Variants in ENKUR observed in about 807,000 individuals in gnomAD.
The protein encoded by ENKUR is enkurin, TRPC channel interacting protein, also known as enkurin.
In ENKUR, 19 loss-of-function variants were observed where a neutral mutation model predicts 27.6. The observed-to-expected ratio is 0.69, with a 90% confidence interval of 0.48 to 1.01. The LOEUF (loss-of-function observed/expected upper bound fraction) is 1.01. Ranked by LOEUF, ENKUR falls within the 50% of genes least tolerant of loss-of-function variation. ENKUR has a pLI of 0.00. For missense variants in ENKUR, 312 were observed against 310.5 expected (o/e 1.00, Z -0.04); for synonymous variants, 117 against 96.9 (o/e 1.21, Z -1.22).
intron 1 of ENKUR, among the ~76,000 whole-genome samples, chr10:25,009,121 G>C (rs1850381287): frequency 6.6e-6 from 1 of 152,168 alleles, no homozygotes; most frequent in African/African-American, 2.4e-5. Context: ...TGGGAGGAGA[G>C]GGGAGGGATA....
rs998840256 is a variant in ENKUR, at chr10:24,983,481, GCCTAC to G, written c.*884_*888del. The G allele has an allele frequency of 2.2e-4, 34 of 152,272 alleles. No individual in the cohort carries two copies. Among genetic ancestry groups the G allele is most frequent in the African/African-American group, 7.5e-4 (31 of 41,564 alleles). 9.4% of individuals were successfully genotyped at this position (152,272 alleles called of 1,614,324 possible). On this transcript the variant is annotated 3_prime_UTR_variant, in exon 6 of 6. Coordinates refer to ENST00000331161, the MANE Select transcript of ENKUR (RefSeq NM_145010.4). Reference sequence around the variant, plus strand: ...TTGGAGTGTACTGTCACAGCTGTTAGCCTACCCTAAATAGCAACCAACCATTCTTG... The same window carrying G: ...TTGGAGTGTACTGTCACAGCTGTTAGCCTAAATAGCAACCAACCATTCTTG...
intron 2 of ENKUR, among the ~76,000 whole-genome samples, chr10:25,035,470 G>A (rs1267254200): frequency 4.6e-5 from 7 of 151,930 alleles, no homozygotes; most frequent in South Asian, 2.1e-4. Flanking sequence ...CAGGAGAATC[G>A]CTTGAATCCA....
chr10:25,034,604 T>C (rs1329902897), intron 2 of ENKUR, among the ~76,000 whole-genome samples: 1 of 152,218 alleles, frequency 6.6e-6, no homozygotes, highest in Admixed American at 6.5e-5. Flanking sequence ...TTGCTTGAGA[T>C]TTTAAACGTA....
intron 1 of ENKUR, among the ~76,000 whole-genome samples, chr10:25,014,439 T>C (rs112665974): frequency 0.029 from 4,367 of 152,188 alleles, 141 homozygotes; most frequent in African/African-American, 0.077. Context: ...AGAACAGATA[T>C]ACTAGTGCAA....
upstream of ENKUR, among the ~76,000 whole-genome samples, chr10:25,018,885 TAGTC>T (rs1162316311): frequency 4.6e-5 from 7 of 152,178 alleles, no homozygotes; most frequent in Non-Finnish European, 1.0e-4. Context: ...AGAAAAAGCT[TAGTC>T]AGCTTTGATA....
At chr10:25,024,367 A>C (rs771976097) in intron 2 of ENKUR, 1 of 1,614,064 alleles carries the variant, frequency 6.2e-7, no homozygotes, top group African/African-American at 1.3e-5. Flanking sequence ...TTCAGGAGAC[A>C]CAGGGAGTGC....
In ENKUR at chr10:25,061,153, C is replaced by T. The variant is rs778356961; in HGVS notation, c.-5G>A. On this transcript the variant is annotated 5_prime_UTR_variant, in exon 2 of 6. Coordinates refer to the ENKUR transcript ENST00000615958. ...AGTCACCCGCTCTGTCTTCATGCTC[C>T]GTGGTGAACAATCTCCATAAGAAGT... 45 of 1,535,946 alleles carry T rather than the reference C, an allele frequency of 2.9e-5. No homozygotes were observed. The Middle Eastern group carries it at 5.0e-4, about 17-fold the overall frequency.
chr10:25,034,584 T>C (rs1298293456), intron 2 of ENKUR, among the ~76,000 whole-genome samples: 1 of 152,216 alleles, frequency 6.6e-6, no homozygotes, highest in African/African-American at 2.4e-5. Flanking sequence ...TCTGGAACCA[T>C]CTTTCCAATT....
intron 2 of ENKUR, among the ~76,000 whole-genome samples, chr10:25,038,332 A>C (rs1375901202): frequency 6.6e-6 from 1 of 152,148 alleles, no homozygotes; most frequent in Admixed American, 6.6e-5. Flanking sequence ...TCACTTTCCT[A>C]CCTGTGTTAC....
At chr10:25,050,545 C>T (rs1851176390) in intron 2 of ENKUR, among the ~76,000 whole-genome samples, 1 of 152,154 alleles carries the variant, frequency 6.6e-6, no homozygotes, top group African/African-American at 2.4e-5. Context: ...AAAGACCTGG[C>T]TCCATGATTC....
At chr10:25,048,025 T>C (rs1851139580) in intron 2 of ENKUR, among the ~76,000 whole-genome samples, 3 of 152,136 alleles carry the variant, frequency 2.0e-5, no homozygotes, top group Non-Finnish European at 2.9e-5. Context: ...CAAGTCCTGT[T>C]CCTTCCTTAC....
intron 4 of ENKUR, among the ~76,000 whole-genome samples, chr10:24,988,617 A>C (rs1849844876): frequency 1.9e-5 from 2 of 105,102 alleles, no homozygotes; most frequent in African/African-American, 7.5e-5. Flanking sequence ...CCACTGGAGG[A>C]TTATAGATCT....
upstream of ENKUR, among the ~76,000 whole-genome samples, chr10:25,020,368 A>T (rs929910372): frequency 1.1e-4 from 16 of 152,150 alleles, no homozygotes; most frequent in Non-Finnish European, 1.9e-4. Flanking sequence ...GAAAAGTAAG[A>T]TTGCAAAACA....
intron 4 of ENKUR, among the ~76,000 whole-genome samples, chr10:24,985,264 CA>C (rs1452457577): frequency 6.6e-6 from 1 of 151,934 alleles, no homozygotes; most frequent in African/African-American, 2.4e-5. Context: ...ATCCTCGAGT[CA>C]AAAACATTTT....
chr10:25,061,089 G>T, intron 2 of ENKUR: 1 of 1,535,666 alleles, frequency 6.5e-7, no homozygotes, highest in South Asian at 1.2e-5. Flanking sequence ...CAAAACCTGT[G>T]AACACAAGAA....
chr10:25,012,950 T>C (rs968854827), intron 1 of ENKUR, among the ~76,000 whole-genome samples: 4 of 152,166 alleles, frequency 2.6e-5, no homozygotes, highest in African/African-American at 4.8e-5. Context: ...ATAATTCCCA[T>C]ATGTCATGGG....
At chr10:25,044,084 A>T (rs1851094650) in intron 2 of ENKUR, among the ~76,000 whole-genome samples, 2 of 152,070 alleles carry the variant, frequency 1.3e-5, no homozygotes, top group South Asian at 4.1e-4. Context: ...TTGATTGATT[A>T]TTCTCTTAAC....
At chr10:25,011,798 T>C (rs536891166) in intron 1 of ENKUR, among the ~76,000 whole-genome samples, 5 of 152,196 alleles carry the variant, frequency 3.3e-5, no homozygotes, top group East Asian at 3.9e-4. Flanking sequence ...GATGATGCAA[T>C]AGAAAAGAAA....
At chr10:25,017,097 G>A (rs1052103918), upstream of ENKUR, among the ~76,000 whole-genome samples, 3 of 152,204 alleles carry the variant, frequency 2.0e-5, no homozygotes, top group Admixed American at 2.0e-4. Context: ...CCCGGGTCGG[G>A]ACTCTTCCTC....
Sources: allele counts gnomAD v4.1 joint callset (sites outside exome capture counted in the v4.1 genomes callset), GRCh38; gene constraint gnomAD v4.1.1; transcripts MANE v1.5; gene names NCBI Gene and HGNC (gene_info 2026-07-23, HGNC 2026-07-21).